Variants in PTH1R observed in about 807,000 individuals in gnomAD.
PTH1R encodes the protein parathyroid hormone/parathyroid hormone-related peptide receptor.
A neutral mutation model predicts 70.7 loss-of-function variants in PTH1R; 32 were observed. The ratio of observed to expected loss-of-function variants is 0.45; its 90% CI spans 0.34 to 0.61. The LOEUF is 0.61. Among genes scored for constraint, PTH1R ranks in the 20% least tolerant of loss-of-function variants. The pLI, the probability that PTH1R is intolerant of heterozygous loss-of-function variation, is 0.01. For missense variants in PTH1R, 626 were observed against 792.5 expected (o/e 0.79, Z 2.52); for synonymous variants, 329 against 324.8 (o/e 1.01, Z -0.14).
rs564450753 is a variant in PTH1R, at chr3:46,879,544, A to G, written c.-105-1518A>G. On this transcript the variant is annotated intron_variant, in intron 1 of 15. Coordinates refer to ENST00000449590, the MANE Select transcript of PTH1R (RefSeq NM_000316.3). This position sits in a 1 kb window ranked among gnomAD's most constrained non-coding sequence, Gnocchi z 4.7. Reference sequence around the variant, plus strand: ...GACTGCTTGAGCCCAAGAGTTGGAGACCAGTCTAGGCAACAAAGTGAGACC... The same window carrying G: ...GACTGCTTGAGCCCAAGAGTTGGAGGCCAGTCTAGGCAACAAAGTGAGACC... 1.3e-5 allele frequency among the ~76,000 whole-genome samples: 2 copies of G among 152,190 alleles called. No homozygotes were observed. The highest frequency in any genetic ancestry group is 1.3e-4 in the Admixed American group (2 of 15,296).
rs553408043 is a variant in PTH1R at position 46,893,658 on chromosome 3, C to T, written c.76-249C>T. ...TGACTGCAGCCTACAGGGTTACTGGCGGGCAGGCAGGAGAGAGCCCCTGCT... is the reference window on the plus strand; with the variant it reads ...TGACTGCAGCCTACAGGGTTACTGGTGGGCAGGCAGGAGAGAGCCCCTGCT... On this transcript the variant is annotated intron_variant, in intron 3 of 15. Coordinates refer to ENST00000449590, the MANE Select transcript of PTH1R (RefSeq NM_000316.3). The surrounding 1 kb of genome is among the most constrained non-coding windows in gnomAD (Gnocchi z 5.2). 8.5e-5 allele frequency among the ~76,000 whole-genome samples: 13 copies of T among 152,294 alleles called. No homozygotes were observed. Among genetic ancestry groups the T allele is most frequent in the African/African-American group, 2.4e-4 (10 of 41,552 alleles).
chr3:46,895,087 AC>A (rs1429008936), intron 4 of PTH1R, among the ~76,000 whole-genome samples: 6 of 114,980 alleles, frequency 5.2e-5, no homozygotes, highest in South Asian at 3.2e-4. Context: ...AAAAAAACAA[AC>A]AAACAAAAAA....
intron 9 of PTH1R, 69 bp from the exon 10 acceptor site, chr3:46,899,233 GC>G (rs2031966139): frequency 1.9e-6 from 3 of 1,601,736 alleles, no homozygotes; most frequent in Non-Finnish European, 1.7e-6. Flanking sequence ...TGCCGCCCCA[GC>G]CCCCCAGCCC....
chr3:46,898,995 T>C (rs1236963324), intron 9 of PTH1R, 138 bp downstream of exon 9: 3 of 736,526 alleles, frequency 4.1e-6, no homozygotes, highest in East Asian at 2.8e-5. Context: ...ACCCGTCTTA[T>C]AGGGTCCCTC....
chr3:46,899,328 T>C lies in PTH1R; in HGVS notation c.860T>C (p.Phe287Ser). ...GCGGGCTGCAGGGTGGCTGTGACCT[T>C]CTTCCTTTACTTCCTGGCCACCAAC... ...GYAGCRVAVT[F>S]FLYFLATNYY... Residue 287 changes from phenylalanine to serine, a missense_variant, in exon 10 of 16, where the codon TTC becomes TCC. Physicochemically the swap from Phe to Ser is radical, Grantham distance 155. Transcript: ENST00000449590. The C allele has an allele frequency of 6.2e-7, 1 of 1,614,046 alleles. No homozygotes were observed. Among genetic ancestry groups the C allele is most frequent in the South Asian group, 1.1e-5 (1 of 91,082 alleles).
intron 9 of PTH1R, among the ~76,000 whole-genome samples, 156 bp from the exon 10 acceptor site, chr3:46,899,147 G>T (rs928429598): frequency 1.3e-5 from 2 of 151,934 alleles, no homozygotes; most frequent in African/African-American, 4.8e-5. Flanking sequence ...CCCTGACACC[G>T]CATCCCCCTG....
Position 46,901,300 on chromosome 3 carries a change from C to A in PTH1R, c.1050-114C>A, listed in dbSNP as rs2032099395. Reference sequence around the variant, plus strand: ...GCCTCAGGCCTGGCCACACCCAGCACCCCTGCCCTGTGTCCTCAACAGCTA... The same window carrying A: ...GCCTCAGGCCTGGCCACACCCAGCAACCCTGCCCTGTGTCCTCAACAGCTA... On this transcript the variant is annotated intron_variant, in intron 11 of 15. Coordinates refer to ENST00000449590, the MANE Select transcript of PTH1R (RefSeq NM_000316.3). The surrounding 1 kb of genome is among the most constrained non-coding windows in gnomAD (Gnocchi z 7.3). 5 of 1,392,834 alleles carry A rather than the reference C, an allele frequency of 3.6e-6. No homozygotes were observed. In the South Asian group the frequency reaches 6.2e-5, roughly 17 times the overall value. 86.3% of individuals were successfully genotyped at this position (1,392,834 alleles called of 1,614,324 possible). A position where few individuals can be genotyped will look rare whatever the true frequency, so the allele number is the denominator to read the frequency against.
Position 46,895,817 on chromosome 3 carries a change from C to T in PTH1R, c.261C>T (p.Leu87=). Residue 87 remains leucine (L), a synonymous_variant, in exon 5 of 16, where the codon CTC becomes CTT. Transcript: ENST00000449590. ...GGAAAGATAAGGCATCTGGGAAGCT[C>T]TACCCTGAGTCTGAGGAGGACAAGG... The part of the protein sequence containing the change: ...KPRKDKASGK[L]YPESEEDKEA... 6.2e-7 allele frequency: 1 copy of T among 1,614,100 alleles called. No individual in the cohort carries two copies. The highest frequency in any genetic ancestry group is 8.5e-7 in the Non-Finnish European group (1 of 1,180,028).
intron 5 of PTH1R, 88 bp downstream of exon 5, chr3:46,895,957 TCTTGGC>T (rs2031726877): frequency 6.7e-6 from 10 of 1,496,724 alleles, no homozygotes; most frequent in Non-Finnish European, 7.3e-6. Flanking sequence ...AGCTCATGCT[TCTTGGC>T]TCTTATAGAA....
In PTH1R at chr3:46,898,448, C is replaced by T; in HGVS notation, c.614C>T (p.Ala205Val). The T allele has an allele frequency of 6.2e-7, 1 of 1,614,100 alleles. No individual in the cohort carries two copies. The highest frequency in any genetic ancestry group is 8.5e-7 in the Non-Finnish European group (1 of 1,180,016). Residue 205 changes from alanine (A) to valine (V), a missense_variant, in exon 8 of 16, where the codon GCT (alanine) becomes GTT (valine). Transcript: ENST00000449590. ...YSVSLASLTV[A>V]VLILAYFRRL... ...GTGTCCCTGGCGTCCCTCACCGTAG[C>T]TGTGCTCATCCTGGCCTACTTTAGG...
intron 3 of PTH1R, among the ~76,000 whole-genome samples, chr3:46,888,870 G>A (rs755857710): frequency 6.6e-6 from 1 of 152,242 alleles, no homozygotes; most frequent in Non-Finnish European, 1.5e-5. Context: ...ACGCTGGCTG[G>A]CCAGGATGAG....
At position 46,903,216 on chromosome 3, in the gene PTH1R, G is replaced by A. The variant is rs1387384528; in HGVS notation, c.1396-54G>A. On this transcript the variant is annotated intron_variant, in intron 15 of 15. Transcript: ENST00000449590. The surrounding 1 kb of genome is among the most constrained non-coding windows in gnomAD (Gnocchi z 4.4). The stretch of plus-strand genomic sequence containing the variant: ...GCTGGGTGTCCAGGGGCCGGGATGG[G>A]GCATCGCTGGGGTTGGGAGACACAC... 3 of 1,606,038 alleles carry A rather than the reference G, an allele frequency of 1.9e-6. No individual in the cohort carries two copies. Among genetic ancestry groups the A allele is most frequent in the East Asian group, 2.2e-5 (1 of 44,510 alleles).
chr3:46,901,152 T>C lies in PTH1R; in HGVS notation c.1049+67T>C. On this transcript the variant is annotated intron_variant, in intron 11 of 15. Transcript: ENST00000449590. This position sits in a 1 kb window ranked among gnomAD's most constrained non-coding sequence, Gnocchi z 7.3. The stretch of plus-strand genomic sequence containing the variant: ...TGGGTCCCTTTTCTTCCAGGAAGCA[T>C]GTGAGAGGGCCTCCTGTACCCTGGC... 1.3e-6 allele frequency: 2 copies of C among 1,520,262 alleles called. No homozygotes were observed. The highest frequency in any genetic ancestry group is 1.8e-6 in the Non-Finnish European group (2 of 1,119,172). The allele number at this position is 1,520,262 out of a possible 1,614,324, so 94.2% of individuals were successfully genotyped here.
chr3:46,900,763 C>T (rs968600942), intron 10 of PTH1R, among the ~76,000 whole-genome samples: 6 of 152,092 alleles, frequency 3.9e-5, no homozygotes, highest in Non-Finnish European at 7.4e-5. Context: ...TTATATTATG[C>T]CTTGTACCCC....
In PTH1R at chr3:46,898,736, T is replaced by C; in HGVS notation, c.713T>C (p.Phe238Ser). ...TTCATGCTGCGCGCCGTGAGCATCT[T>C]CGTCAAGGACGCTGTGCTCTACTCT... is the stretch of plus-strand genomic sequence containing the variant. ...LSFMLRAVSI[F>S]VKDAVLYSGA... Residue 238 changes from phenylalanine (F) to serine (S), a missense_variant, in exon 9 of 16, where the codon TTC becomes TCC. By Grantham distance (155) the Phe-to-Ser change is radical. Coordinates refer to ENST00000449590, the MANE Select transcript of PTH1R (RefSeq NM_000316.3). 1 of 1,610,596 alleles carries C rather than the reference T, an allele frequency of 6.2e-7. No individual in the cohort carries two copies.
chr3:46,883,710 G>C lies in PTH1R; in HGVS notation c.75+76G>C. Reference sequence around the variant, plus strand: ...GGTCCGCGGGATAGGTCTAAGGCACGCAGTCTTGAGTTCCCCCAGTAGTTC... The same window carrying C: ...GGTCCGCGGGATAGGTCTAAGGCACCCAGTCTTGAGTTCCCCCAGTAGTTC... On this transcript the variant is annotated intron_variant, in intron 3 of 15. Coordinates refer to ENST00000449590, the MANE Select transcript of PTH1R (RefSeq NM_000316.3). This position sits in a 1 kb window ranked among gnomAD's most constrained non-coding sequence, Gnocchi z 6.4. The C allele has an allele frequency of 6.7e-7, 1 of 1,502,640 alleles. No homozygotes were observed. Among genetic ancestry groups the C allele is most frequent in the Non-Finnish European group, 9.0e-7 (1 of 1,112,368 alleles). The allele number at this position is 1,502,640 out of a possible 1,614,324, so 93.1% of individuals were successfully genotyped here.
chr3:46,886,324 C>G (rs984495222), intron 3 of PTH1R, among the ~76,000 whole-genome samples: 5 of 152,164 alleles, frequency 3.3e-5, no homozygotes, highest in Non-Finnish European at 7.4e-5. Flanking sequence ...GGGACCTTTT[C>G]CAGCCTGCTC....
chr3:46,897,995 C>T, intron 6 of PTH1R, 30 bp downstream of exon 6: 2 of 1,613,458 alleles, frequency 1.2e-6, no homozygotes, highest in Non-Finnish European at 1.7e-6. Context: ...GTGGGGATTA[C>T]AAGGAGGCTG....
chr3:46,877,906 T>C (rs1424667746), intron 1 of PTH1R, 63 bp downstream of exon 1: 1 of 152,238 alleles, frequency 6.6e-6, no homozygotes, highest in African/African-American at 2.4e-5. Context: ...GTCTGTGGTT[T>C]CCCTGGGGGT....
Sources: gnomAD v4.1 joint callset for allele counts (sites outside exome capture counted in the v4.1 genomes callset) on GRCh38, gnomAD v4.1.1 for gene constraint, Gnocchi (gnomAD v3.1) non-coding constraint, MANE v1.5 for transcripts, NCBI Gene and HGNC (gene_info 2026-07-23, HGNC 2026-07-21) for gene names.